Variants in CFAP299 observed in about 807,000 individuals in gnomAD.
CFAP299 encodes cilia- and flagella-associated protein 299.
CFAP299 carries 21 observed loss-of-function variants against 27.0 expected under a neutral mutation model. The observed-to-expected ratio is 0.78, with a 90% CI of 0.55 to 1.12. The LOEUF is 1.12. Among genes scored for constraint, CFAP299 ranks in the 50% most tolerant of loss-of-function variants. The pLI is 0.00. For missense variants in CFAP299, 310 were observed against 276.6 expected (o/e 1.12, Z -0.86); for synonymous variants, 104 against 98.1 (o/e 1.06, Z -0.36).
At chr4:80,736,792 A>T (rs542431253) in intron 3 of CFAP299, among the ~76,000 whole-genome samples, 43 of 152,296 alleles carry the variant, frequency 2.8e-4, no homozygotes, top group South Asian at 8.3e-4. Context: ...ATACCATTTG[A>T]CCCAGCCATC....
rs1722103595 is a variant in CFAP299, at chr4:80,335,795, C to T, written c.27C>T (p.Ala9=). The T allele has an allele frequency of 6.2e-7, 1 of 1,613,550 alleles. No individual in the cohort carries two copies. Among genetic ancestry groups the T allele is most frequent in the East Asian group, 2.2e-5 (1 of 44,872 alleles). ...TGGATCAGGAAGAGGGGCTGAAGGC[C>T]TTGGACAATATTGTCACTCAATTCA... MDQEEGLK[A]LDNIVTQFNA... Residue 9 remains alanine (A), a synonymous_variant, in exon 1 of 6, where the codon GCC becomes GCT. Coordinates refer to ENST00000358105, the MANE Select transcript of CFAP299 (RefSeq NM_152770.3).
At chr4:80,444,845 CCAT>C (rs1350262982) in intron 2 of CFAP299, among the ~76,000 whole-genome samples, 1 of 151,886 alleles carries the variant, frequency 6.6e-6, no homozygotes, top group Non-Finnish European at 1.5e-5. Flanking sequence ...AAAAACAACC[CCAT>C]CAACAAGTGG....
At chr4:80,800,763 G>GTATACATA (rs1438042749) in intron 3 of CFAP299, among the ~76,000 whole-genome samples, 1 of 130,770 alleles carries the variant, frequency 7.6e-6, no homozygotes, top group African/African-American at 3.0e-5. Flanking sequence ...GTGTGTGTGT[G>GTATACATA]TGTGTATATA....
intron 2 of CFAP299, among the ~76,000 whole-genome samples, chr4:80,529,962 A>G (rs1411316446): frequency 6.6e-6 from 1 of 152,222 alleles, no homozygotes; most frequent in Non-Finnish European, 1.5e-5. Flanking sequence ...CTTGTTATAA[A>G]AACAGTATTT....
chr4:80,701,630 T>C (rs1200963780), intron 3 of CFAP299, among the ~76,000 whole-genome samples: 1 of 151,934 alleles, frequency 6.6e-6, no homozygotes, highest in Non-Finnish European at 1.5e-5. Flanking sequence ...AGTTTGAGTG[T>C]GGTTAATGGT....
At chr4:80,638,982 C>A (rs1739589461) in intron 3 of CFAP299, among the ~76,000 whole-genome samples, 1 of 152,066 alleles carries the variant, frequency 6.6e-6, no homozygotes, top group South Asian at 2.1e-4. Flanking sequence ...TTCCTGTGCC[C>A]TAATGGAGCA....
chr4:80,931,243 G>A (rs573095647), intron 4 of CFAP299, among the ~76,000 whole-genome samples: 12 of 152,206 alleles, frequency 7.9e-5, no homozygotes, highest in Admixed American at 2.6e-4. Flanking sequence ...ACCCTAAGCT[G>A]TGTGACCTCT....
At chr4:80,901,547 C>T (rs982507449) in intron 4 of CFAP299, among the ~76,000 whole-genome samples, 9 of 152,178 alleles carry the variant, frequency 5.9e-5, no homozygotes, top group African/African-American at 2.2e-4. Context: ...TGCTTCGTGA[C>T]CCTTAGGAAT....
chr4:80,585,723 A>G (rs1736400823), intron 3 of CFAP299, among the ~76,000 whole-genome samples: 1 of 152,146 alleles, frequency 6.6e-6, no homozygotes, highest in Non-Finnish European at 1.5e-5. Context: ...ATATGGGGAT[A>G]AGTGTGTCTC....
At chr4:80,786,270 G>A (rs1727239976) in intron 3 of CFAP299, among the ~76,000 whole-genome samples, 3 of 152,032 alleles carry the variant, frequency 2.0e-5, no homozygotes, top group African/African-American at 7.2e-5. Flanking sequence ...CATAGTTTGG[G>A]GTGGAGAGGA....
At chr4:80,561,645 T>A (rs1017199661) in intron 2 of CFAP299, among the ~76,000 whole-genome samples, 1 of 151,358 alleles carries the variant, frequency 6.6e-6, no homozygotes, top group Non-Finnish European at 1.5e-5. Context: ...ATTCTGGAGG[T>A]GAAAAATGTG....
At chr4:80,849,348 G>C (rs1202004235) in intron 3 of CFAP299, among the ~76,000 whole-genome samples, 2 of 152,182 alleles carry the variant, frequency 1.3e-5, no homozygotes, top group African/African-American at 4.8e-5. Flanking sequence ...CCAAAATGCT[G>C]TTATGGGGTA....
At chr4:80,841,699 G>T (rs1040339780) in intron 3 of CFAP299, among the ~76,000 whole-genome samples, 1 of 151,910 alleles carries the variant, frequency 6.6e-6, no homozygotes, top group Non-Finnish European at 1.5e-5. Context: ...CAGGCAAGTG[G>T]GTATCCTCTT....
chr4:80,595,056 G>A (rs760040974), intron 3 of CFAP299, among the ~76,000 whole-genome samples: 14 of 152,038 alleles, frequency 9.2e-5, no homozygotes, highest in Non-Finnish European at 1.2e-4. Flanking sequence ...GTTATTAGTC[G>A]CCAGTCCTTT....
intron 2 of CFAP299, among the ~76,000 whole-genome samples, chr4:80,499,383 C>G (rs115577696): frequency 6.6e-6 from 1 of 152,052 alleles, no homozygotes. Flanking sequence ...GTACTTTATT[C>G]TAATACAGTA....
chr4:80,604,071 A>G (rs2109905752), intron 3 of CFAP299, among the ~76,000 whole-genome samples: 1 of 152,312 alleles, frequency 6.6e-6, no homozygotes, highest in South Asian at 2.1e-4. Flanking sequence ...TTACTTGTTG[A>G]AACCATTATC....
upstream of CFAP299, among the ~76,000 whole-genome samples, chr4:80,333,362 AGG>A (rs1443469085): frequency 1.3e-4 from 20 of 152,352 alleles, no homozygotes; most frequent in East Asian, 3.7e-3. Context: ...ACAAGCAGCT[AGG>A]CAACACCAGA....
At chr4:80,894,836 GA>G (rs1026705717) in intron 4 of CFAP299, among the ~76,000 whole-genome samples, 7 of 151,782 alleles carry the variant, frequency 4.6e-5, no homozygotes, top group Non-Finnish European at 8.8e-5. Flanking sequence ...ATTCAGCCTT[GA>G]AAAAGAAGAA....
intron 3 of CFAP299, among the ~76,000 whole-genome samples, chr4:80,595,306 A>G (rs1157501980): frequency 6.7e-6 from 1 of 148,968 alleles, no homozygotes; most frequent in Non-Finnish European, 1.5e-5. Flanking sequence ...GATAGCACAG[A>G]TATATTTGTA....
Sources: gnomAD v4.1 joint callset for allele counts (sites outside exome capture counted in the v4.1 genomes callset) on GRCh38, gnomAD v4.1.1 for gene constraint, MANE v1.5 for transcripts, NCBI Gene and HGNC (gene_info 2026-07-23, HGNC 2026-07-21) for gene names.